Variants in ABCA7 observed in about 807,000 individuals in gnomAD.
ABCA7 encodes phospholipid-transporting ATPase ABCA7.
Under a neutral mutation model 227.6 loss-of-function variants are expected in ABCA7, and 261 were observed. The observed-to-expected ratio is 1.15, with a 90% confidence interval of 1.04 to 1.27. ABCA7 has a LOEUF of 1.27. Among genes scored for constraint, ABCA7 ranks in the 50% most tolerant of loss-of-function variants. The pLI is 0.00. For missense variants in ABCA7, 3,331 were observed against 2,924.5 expected (o/e 1.14, Z -3.21); for synonymous variants, 1,488 against 1,279.7 (o/e 1.16, Z -3.47).
rs750124174 is a variant in ABCA7, at chr19:1,055,333, C to A, written c.4187C>A (p.Pro1396Gln). The A allele has an allele frequency of 6.3e-7, 1 of 1,592,376 alleles. No homozygotes were observed. The highest frequency in any genetic ancestry group is 8.5e-7 in the Non-Finnish European group (1 of 1,171,698). ...TCTGACTTCCTGGTCAAGACCTACC[C>A]GCGCCTGGTGCGCCAGGGGTGAGCC... ...NLSDFLVKTY[P>Q]RLVRQGLKTK... is the part of the protein sequence containing the mutation. The change falls in exon 30 of 47, where the codon CCG (proline) becomes CAG (glutamine). Residue 1396 changes from proline to glutamine, a missense_variant. Coordinates refer to ENST00000263094, the MANE Select transcript of ABCA7 (RefSeq NM_019112.4).
rs1178581911 is a variant in ABCA7 at position 1,053,361 on chromosome 19, T to C, written c.3253T>C (p.Trp1085Arg). The C allele has an allele frequency of 1.2e-6, 2 of 1,609,526 alleles. No homozygotes were observed. Among genetic ancestry groups the C allele is most frequent in the Admixed American group, 1.7e-5 (1 of 59,924 alleles). The change falls in exon 24 of 47, where the codon TGG becomes CGG. Residue 1085 changes from tryptophan to arginine, a missense_variant. Transcript: ENST00000263094. ...TCAGCTGCTGGCCCTGGTACAGCAC[T>C]GGGTGCCCGGGGCACGGCTGGTGGA... ...TPQLLALVQH[W>R]VPGARLVEEL... is the part of the protein sequence containing the mutation.
chr19:1,048,857 G>A lies in ABCA7; in HGVS notation c.2270-38G>A, dbSNP rs936715093. Reference sequence around the variant, plus strand: ...CAAAAAAAGCCTGGTACACTCCTGGGGGGTGGGCTAAGCAATAACCCGCGC... The same window carrying A: ...CAAAAAAAGCCTGGTACACTCCTGGAGGGTGGGCTAAGCAATAACCCGCGC... On this transcript the variant is annotated intron_variant, in intron 16 of 46. Coordinates refer to ENST00000263094, the MANE Select transcript of ABCA7 (RefSeq NM_019112.4). The A allele has an allele frequency of 1.6e-5, 21 of 1,286,330 alleles. 1 individual carries two copies. The Admixed American group carries it at 3.8e-4, about 23-fold the overall frequency. 79.7% of individuals were successfully genotyped at this position (1,286,330 alleles called of 1,614,324 possible). A position where few individuals can be genotyped will look rare whatever the true frequency, so the allele number is the denominator to read the frequency against.
At position 1,046,926 on chromosome 19, in the gene ABCA7, G is replaced by C; in HGVS notation, c.1747G>C (p.Ala583Pro). ...KETRLRDTMRAMGLSRAVLWL... is the reference protein window; with the variant it reads ...KETRLRDTMRPMGLSRAVLWL... The stretch of plus-strand genomic sequence containing the variant: ...GACGCGGCTGCGGGACACCATGCGC[G>C]CCATGGGGCTCAGCCGCGCGGTGCT... Residue 583 changes from alanine (A) to proline (P), a missense_variant, in exon 14 of 47, where the codon GCC (alanine) becomes CCC (proline). Coordinates refer to ENST00000263094, the MANE Select transcript of ABCA7 (RefSeq NM_019112.4). The C allele has an allele frequency of 6.4e-7, 1 of 1,559,782 alleles. No individual in the cohort carries two copies. The highest frequency in any genetic ancestry group is 8.6e-7 in the Non-Finnish European group (1 of 1,161,530).
At chr19:1,058,343 A>C in intron 37 of ABCA7, 74 bp downstream of exon 37, 1 of 1,567,106 alleles carries the variant, frequency 6.4e-7, no homozygotes. Flanking sequence ...TTAATTATAC[A>C]GAGTGGAGAA....
At chr19:1,041,726 A>T (rs2040055476) in intron 3 of ABCA7, 105 bp from the exon 4 acceptor site, 4 of 1,583,136 alleles carry the variant, frequency 2.5e-6, no homozygotes, top group Non-Finnish European at 3.4e-6. Context: ...ATGGCATGGG[A>T]GTGAGCTCTC....
Position 1,043,052 on chromosome 19 carries a change from G to A in ABCA7, c.591G>A (p.Leu197=), listed in dbSNP as rs941811862. 2.5e-6 allele frequency: 4 copies of A among 1,604,618 alleles called. No individual in the cohort carries two copies. Among genetic ancestry groups the A allele is most frequent in the Middle Eastern group, 1.7e-4 (1 of 5,948 alleles). The change falls in exon 8 of 47, where the codon CTG becomes CTA. Residue 197 remains leucine (L), a synonymous_variant. Transcript: ENST00000263094. ...AEDLAQELLA[L]RSLVELRALL... ...TAACCTCTCTCTAGCTCCTGGCGCTGCGCAGCCTGGTGGAGCTTCGGGCAC... is the reference window on the plus strand; with the variant it reads ...TAACCTCTCTCTAGCTCCTGGCGCTACGCAGCCTGGTGGAGCTTCGGGCAC...
At chr19:1,047,051 G>A (rs748912439) in intron 14 of ABCA7, 27 bp downstream of exon 14, 1 of 1,551,910 alleles carries the variant, frequency 6.4e-7, no homozygotes, top group African/African-American at 1.4e-5. Context: ...CTGCCCGGCT[G>A]CAGAATGGGT....
chr19:1,047,732 G>T, intron 16 of ABCA7, 78 bp downstream of exon 16: 1 of 1,431,170 alleles, frequency 7.0e-7, no homozygotes, highest in Non-Finnish European at 9.3e-7. Context: ...TGGCCTCCAG[G>T]CCGTTTGGGG....
chr19:1,043,256 GTGAC>G lies in ABCA7; in HGVS notation c.790+10_790+13del, dbSNP rs781335090. 1.9e-6 allele frequency: 3 copies of G among 1,608,394 alleles called. No individual in the cohort carries two copies. The highest frequency in any genetic ancestry group is 2.6e-6 in the Non-Finnish European group (3 of 1,176,196). ...CCCTGCCAGACAGCAGCCTGAGTGA[GTGAC>G]TGACCTCGGTTTCCCCTCTTGGGAA... is the stretch of plus-strand genomic sequence containing the variant. On this transcript the variant is annotated splice_donor_region_variant and intron_variant, in intron 8 of 46. Transcript: ENST00000263094.
At chr19:1,055,405 T>TGCTGGG (rs1907146523) in intron 30 of ABCA7, 54 bp downstream of exon 30, 9 of 1,488,236 alleles carry the variant, frequency 6.0e-6, no homozygotes, top group Admixed American at 2.1e-5. Flanking sequence ...GTCCTTGGGT[T>TGCTGGG]GCTGGGGCTG....
rs1599735207 is a variant in ABCA7, at chr19:1,064,375, GGCTTT to G, written c.6044+123_6044+127del. The G allele has an allele frequency of 6.1e-6, 7 of 1,141,820 alleles. No individual in the cohort carries two copies. The East Asian group carries it at 1.8e-4, about 30-fold the overall frequency. 70.7% of individuals were successfully genotyped at this position (1,141,820 alleles called of 1,614,324 possible). A position where few individuals can be genotyped will look rare whatever the true frequency, so the allele number is the denominator to read the frequency against. On this transcript the variant is annotated intron_variant, in intron 45 of 46. Coordinates refer to ENST00000263094, the MANE Select transcript of ABCA7 (RefSeq NM_019112.4). The stretch of plus-strand genomic sequence containing the variant: ...TGGCTCCAACTGGAGAGATGGCCAA[GGCTTT>G]AGATTGTCCTGCAGGGGTGACTGAG...
intron 42 of ABCA7, among the ~76,000 whole-genome samples, chr19:1,062,660 G>C (rs990877895): frequency 2.0e-5 from 3 of 151,850 alleles, no homozygotes; most frequent in African/African-American, 7.3e-5. Flanking sequence ...TTCTCGCTGG[G>C]GTCACGGTCA....
Position 1,062,626 on chromosome 19 carries a change from C to T in ABCA7, c.5712+313C>T, listed in dbSNP as rs375117194. ...GCCCTGCCCACTTGCTCCTCTTCTG[C>T]CTACCCCCTAGGGCTTCGCGCCTTT... On this transcript the variant is annotated intron_variant, in intron 42 of 46. Coordinates refer to ENST00000263094, the MANE Select transcript of ABCA7 (RefSeq NM_019112.4). Among the ~76,000 whole-genome samples, 24 of 152,180 alleles carry T rather than the reference C, an allele frequency of 1.6e-4. No individual in the cohort carries two copies. In the East Asian group the frequency reaches 4.5e-3, roughly 28 times the overall value.
rs139618491 is a variant in ABCA7, at chr19:1,051,038, C to T, written c.2670C>T (p.Asn890=). 1 of 1,611,564 alleles carries T rather than the reference C, an allele frequency of 6.2e-7. No individual in the cohort carries two copies. The highest frequency in any genetic ancestry group is 1.1e-5 in the South Asian group (1 of 90,986). ...RPHLGVCPQY[N]VLFDMLTVDE... ...ACCTGGGCGTCTGTCCTCAGTACAA[C>T]GTGCTGTTTGACATGTGCGTCTCGG... Residue 890 remains asparagine (N), a synonymous_variant, in exon 19 of 47, where the codon AAC becomes AAT. Coordinates refer to ENST00000263094, the MANE Select transcript of ABCA7 (RefSeq NM_019112.4).
Position 1,051,185 on chromosome 19 carries a change from T to C in ABCA7, c.2715T>C (p.Tyr905=), listed in dbSNP as rs1046743517. The change falls in exon 20 of 47, where the codon TAT becomes TAC. Residue 905 remains tyrosine (Y), a synonymous_variant. Coordinates refer to ENST00000263094, the MANE Select transcript of ABCA7 (RefSeq NM_019112.4). ...MLTVDEHVWF[Y]GRLKGLSAAV... is the part of the protein sequence containing the mutation. ...CCGTGGACGAGCACGTCTGGTTCTA[T>C]GGGCGGCTGAAGGGTCTGAGTGCCG... 6 of 1,611,326 alleles carry C rather than the reference T, an allele frequency of 3.7e-6. No individual in the cohort carries two copies. Among genetic ancestry groups the C allele is most frequent in the South Asian group, 1.1e-5 (1 of 91,060 alleles).
rs1369083610 is a variant in ABCA7 at position 1,051,281 on chromosome 19, T to G, written c.2811T>G (p.Thr937=). 6.3e-7 allele frequency: 1 copy of G among 1,599,442 alleles called. No homozygotes were observed. The highest frequency in any genetic ancestry group is 1.3e-5 in the African/African-American group (1 of 74,924). Residue 937 remains threonine, a synonymous_variant, in exon 20 of 47, where the codon ACT becomes ACG. Coordinates refer to ENST00000263094, the MANE Select transcript of ABCA7 (RefSeq NM_019112.4). ...VGLVSKQSVQ[T]RHLSGGMQRK... ...TGGTCTCCAAGCAGAGTGTGCAGAC[T>G]CGCCACCTCTCTGGTGAGCCCATCC...
At position 1,046,914 on chromosome 19, in the gene ABCA7, G is replaced by A; in HGVS notation, c.1735G>A (p.Asp579Asn). 1 of 1,553,214 alleles carries A rather than the reference G, an allele frequency of 6.4e-7. No homozygotes were observed. The highest frequency in any genetic ancestry group is 1.5e-5 in the African/African-American group (1 of 65,964). The part of the protein sequence containing the change: ...VVREKETRLR[D>N]TMRAMGLSRA... Reference sequence around the variant, plus strand: ...GCGGGAGAAGGAGACGCGGCTGCGGGACACCATGCGCGCCATGGGGCTCAG... The same window carrying A: ...GCGGGAGAAGGAGACGCGGCTGCGGAACACCATGCGCGCCATGGGGCTCAG... Residue 579 changes from aspartate (D) to asparagine (N), a missense_variant, in exon 14 of 47, where the codon GAC (aspartate) becomes AAC (asparagine). By Grantham distance (23) the Asp-to-Asn change is conservative. Transcript: ENST00000263094.
intron 45 of ABCA7, chr19:1,064,638 G>A (rs1222902902): frequency 1.7e-5 from 9 of 537,126 alleles, no homozygotes; most frequent in Non-Finnish European, 2.9e-5. Flanking sequence ...AAGGGCGAAA[G>A]AGGAGTGTCC....
rs947376481 is a variant in ABCA7, at chr19:1,054,430, C to T, written c.3726+89C>T. ...CTCAGTGGCCTAATCCAAACCCTTACCCCCGTGTGTATTCCCAACCCAAAG... is the reference window on the plus strand; with the variant it reads ...CTCAGTGGCCTAATCCAAACCCTTATCCCCGTGTGTATTCCCAACCCAAAG... On this transcript the variant is annotated intron_variant, in intron 27 of 46. Transcript: ENST00000263094. The surrounding 1 kb of genome is among the most constrained non-coding windows in gnomAD (Gnocchi z 4.8). 7.0e-5 allele frequency: 108 copies of T among 1,550,196 alleles called. No homozygotes were observed. The highest frequency in any genetic ancestry group is 9.1e-5 in the Non-Finnish European group (105 of 1,150,126).
Sources: allele counts gnomAD v4.1 joint callset (sites outside exome capture counted in the v4.1 genomes callset), GRCh38; gene constraint gnomAD v4.1.1; non-coding constraint Gnocchi (gnomAD v3.1); transcripts MANE v1.5; gene names NCBI Gene and HGNC (gene_info 2026-07-23, HGNC 2026-07-21).